The following INPP4B variants were observed in gnomAD, a reference collection of about 807,000 sequenced individuals.
The protein encoded by INPP4B is inositol polyphosphate 4-phosphatase type II.
A neutral mutation model predicts 122.5 loss-of-function variants in INPP4B; 55 were observed. That is an observed-to-expected ratio of 0.45 (90% confidence interval 0.36 to 0.56). INPP4B has a LOEUF of 0.56. Among genes scored for constraint, INPP4B ranks in the 20% least tolerant of loss-of-function variants. The probability of loss-of-function intolerance (pLI) is 0.00; values close to 1 mark genes in which losing one functional copy is unlikely to be tolerated. For synonymous variants in INPP4B, 403 were observed against 388.7 expected (o/e 1.04, Z -0.43); for missense variants, 1,000 against 1,097.7 (o/e 0.91, Z 1.26).
At chr4:142,836,146 C>T (rs1782739896) in intron 1 of INPP4B, among the ~76,000 whole-genome samples, 1 of 152,150 alleles carries the variant, frequency 6.6e-6, no homozygotes, top group African/African-American at 2.4e-5. Flanking sequence ...ATCTAATTCT[C>T]CTCAATTCCA....
intron 11 of INPP4B, among the ~76,000 whole-genome samples, chr4:142,256,521 A>T (rs1736173218): frequency 6.6e-6 from 1 of 152,198 alleles, no homozygotes; most frequent in Non-Finnish European, 1.5e-5. Context: ...GACAAAGGGG[A>T]TATCACCACC....
At chr4:142,399,386 G>A (rs1434490365) in intron 7 of INPP4B, among the ~76,000 whole-genome samples, 2 of 151,554 alleles carry the variant, frequency 1.3e-5, no homozygotes, top group African/African-American at 4.8e-5. Context: ...TAGTAGAGAT[G>A]GGGTTTCACC....
intron 2 of INPP4B, among the ~76,000 whole-genome samples, chr4:142,648,419 G>T (rs949540680): frequency 3.9e-5 from 6 of 152,164 alleles, no homozygotes; most frequent in African/African-American, 1.4e-4. Context: ...TCCTACCCAA[G>T]GGAAGCTGTG....
chr4:142,586,692 A>C (rs1560832516), intron 2 of INPP4B, among the ~76,000 whole-genome samples: 1 of 152,170 alleles, frequency 6.6e-6, no homozygotes, highest in African/African-American at 2.4e-5. Context: ...TTTTTAAGTT[A>C]TAGAGATTAA....
At chr4:142,146,417 T>C (rs367571010) in intron 17 of INPP4B, among the ~76,000 whole-genome samples, 7 of 152,010 alleles carry the variant, frequency 4.6e-5, no homozygotes, top group East Asian at 3.9e-4. Context: ...TATATATACA[T>C]ATATATATAT....
At chr4:142,459,705 A>G (rs1168085501) in intron 3 of INPP4B, among the ~76,000 whole-genome samples, 7 of 152,186 alleles carry the variant, frequency 4.6e-5, no homozygotes, top group Non-Finnish European at 1.0e-4. Context: ...GATGTTAGAT[A>G]CAATGTTTGG....
chr4:142,695,219 A>G (rs1028241369), intron 2 of INPP4B, among the ~76,000 whole-genome samples: 3 of 152,156 alleles, frequency 2.0e-5, no homozygotes, highest in Non-Finnish European at 4.4e-5. Context: ...TCAGAATAGC[A>G]TAAAGATAAT....
At chr4:142,476,811 T>G (rs1580164529) in intron 2 of INPP4B, among the ~76,000 whole-genome samples, 1 of 152,080 alleles carries the variant, frequency 6.6e-6, no homozygotes. Flanking sequence ...TGAAGCAAGT[T>G]CTTAGATACC....
rs1022145795 is a variant in INPP4B, at chr4:142,169,890, A to C, written c.1359+3742T>G. On this transcript the variant is annotated intron_variant, in intron 16 of 25. Transcript: ENST00000262992. ...TTGATGAGCAGGATAATAATGACTT[A>C]TTAAACAAGGTCTATCAATCTCAAT... 2.0e-5 allele frequency among the ~76,000 whole-genome samples: 3 copies of C among 151,708 alleles called. No individual in the cohort carries two copies. In the East Asian group the frequency reaches 5.8e-4, roughly 29 times the overall value.
At chr4:142,203,187 G>A (rs1295289986) in intron 14 of INPP4B, among the ~76,000 whole-genome samples, 1 of 152,052 alleles carries the variant, frequency 6.6e-6, no homozygotes, top group Non-Finnish European at 1.5e-5. Context: ...GGCTCACAAA[G>A]TAAAACCATA....
intron 15 of INPP4B, among the ~76,000 whole-genome samples, chr4:142,175,392 C>A (rs952504036): frequency 1.4e-4 from 21 of 151,668 alleles, no homozygotes; most frequent in Admixed American, 3.3e-4. Flanking sequence ...AATGAATATT[C>A]CTCCTATTTT....
At chr4:142,406,669 A>G (rs1309496828) in intron 5 of INPP4B, among the ~76,000 whole-genome samples, 1 of 152,162 alleles carries the variant, frequency 6.6e-6, no homozygotes. Context: ...TTTGTCATAT[A>G]CTTTTTTTTC....
rs559528841 is a variant in INPP4B, at chr4:142,032,868, A to G, written c.2643-3954T>C. Among the ~76,000 whole-genome samples, 7 of 152,296 alleles carry G rather than the reference A, an allele frequency of 4.6e-5. No individual in the cohort carries two copies. The South Asian group carries it at 1.2e-3, about 27-fold the overall frequency. On this transcript the variant is annotated intron_variant, in intron 25 of 25. Transcript: ENST00000262992. The stretch of plus-strand genomic sequence containing the variant: ...GCATTCAATAACTTATGCCATTTGT[A>G]TATCAATAAATAGGTACATCTTGGT...
intron 2 of INPP4B, among the ~76,000 whole-genome samples, chr4:142,580,391 C>A (rs1039774460): frequency 2.0e-5 from 3 of 151,958 alleles, no homozygotes; most frequent in Non-Finnish European, 2.9e-5. Flanking sequence ...ACCCAACACA[C>A]AATTTTCTCT....
At chr4:142,466,096 C>T (rs1817710437) in intron 2 of INPP4B, among the ~76,000 whole-genome samples, 1 of 152,032 alleles carries the variant, frequency 6.6e-6, no homozygotes, top group South Asian at 2.1e-4. Context: ...TATAGAGATT[C>T]CAGAAAATAT....
chr4:142,222,582 A>G (rs1261549990), intron 12 of INPP4B, among the ~76,000 whole-genome samples: 1 of 152,218 alleles, frequency 6.6e-6, no homozygotes, highest in Non-Finnish European at 1.5e-5. Flanking sequence ...TGCTTATTAT[A>G]TGTTAGGTAT....
intron 25 of INPP4B, among the ~76,000 whole-genome samples, chr4:142,061,865 T>TACACAC (rs1198104747): frequency 9.7e-5 from 4 of 41,394 alleles, no homozygotes; most frequent in Admixed American, 6.6e-4. Flanking sequence ...TATATATATG[T>TACACAC]ACACACACAC....
At chr4:142,233,442 G>C (rs1327900689) in intron 12 of INPP4B, among the ~76,000 whole-genome samples, 1 of 152,104 alleles carries the variant, frequency 6.6e-6, no homozygotes, top group African/African-American at 2.4e-5. Flanking sequence ...TCTTTATGGA[G>C]AAAAAACAAG....
intron 23 of INPP4B, among the ~76,000 whole-genome samples, chr4:142,092,624 C>A (rs1366882662): frequency 1.3e-5 from 2 of 152,166 alleles, no homozygotes; most frequent in Non-Finnish European, 2.9e-5. Flanking sequence ...AGTCACTGAA[C>A]CAACCCTCTC....
Sources: allele counts gnomAD v4.1 joint callset (sites outside exome capture counted in the v4.1 genomes callset), GRCh38; gene constraint gnomAD v4.1.1; transcripts MANE v1.5; gene names NCBI Gene and HGNC (gene_info 2026-07-23, HGNC 2026-07-21).